The following DMD variants were observed in gnomAD, a reference collection of about 807,000 sequenced individuals.
The protein encoded by DMD is dystrophin.
In DMD, 63 loss-of-function variants were observed where a neutral mutation model predicts 330.1. The ratio of observed to expected loss-of-function variants is 0.19; its 90% confidence interval spans 0.16 to 0.24. The LOEUF (loss-of-function observed/expected upper bound fraction) is 0.24, where lower values mean the gene tolerates loss of function less well. DMD is among the 10% of genes least tolerant of loss of function. The pLI is 1.00. For synonymous variants in DMD, 1,223 were observed against 959.8 expected, an observed-to-expected ratio of 1.27 and a Z score of -5.07; for missense variants, 3,344 against 2,684.1, an observed-to-expected ratio of 1.25 and a Z score of -5.43.
At chrX:32,211,458 A>G (rs754212918) in intron 44 of DMD, among the ~76,000 whole-genome samples, 5 of 112,160 alleles carry the variant, frequency 4.5e-5, no homozygotes, top group African/African-American at 1.3e-4. Context: ...AATATATTGC[A>G]CATTTACCAT....
At chrX:33,336,064 G>A (rs2054249299) in intron 1 of DMD, among the ~76,000 whole-genome samples, 1 of 110,735 alleles carries the variant, frequency 9.0e-6, no homozygotes, top group African/African-American at 3.3e-5. Flanking sequence ...GTTACTCCCA[G>A]TGAAGAAAAA....
chrX:32,651,504 C>T (rs772468743), intron 9 of DMD, among the ~76,000 whole-genome samples: 1 of 111,781 alleles, frequency 8.9e-6, no homozygotes, highest in Non-Finnish European at 1.9e-5. Context: ...CAAATTCAAT[C>T]AATGGTTTGG....
chrX:32,274,032 A>G (rs2097375515), intron 43 of DMD, among the ~76,000 whole-genome samples: 1 of 111,893 alleles, frequency 8.9e-6, no homozygotes, highest in Non-Finnish European at 1.9e-5. Flanking sequence ...TAGAGAAAAA[A>G]TGCATATTTA....
chrX:32,551,754 T>C (rs758250610), intron 16 of DMD, among the ~76,000 whole-genome samples: 124 of 111,770 alleles, frequency 1.1e-3, no homozygotes, highest in African/African-American at 3.9e-3. Flanking sequence ...CAAAAGCTCA[T>C]TGATCTGATA....
chrX:31,594,669 G>A (rs2077031680), intron 55 of DMD, among the ~76,000 whole-genome samples: 1 of 110,890 alleles, frequency 9.0e-6, no homozygotes, highest in African/African-American at 3.3e-5. Flanking sequence ...TTAATCTTTG[G>A]TGGGATTTAC....
chrX:32,175,410 TA>T (rs751289664), intron 44 of DMD, among the ~76,000 whole-genome samples: 1 of 110,269 alleles, frequency 9.1e-6, no homozygotes, highest in Non-Finnish European at 1.9e-5. Flanking sequence ...GAGGGGACAG[TA>T]AGGGAATAAA....
intron 50 of DMD, among the ~76,000 whole-genome samples, chrX:31,787,512 C>T (rs2091363245): frequency 8.9e-6 from 1 of 112,055 alleles, no homozygotes; most frequent in South Asian, 3.7e-4. Flanking sequence ...GTTTTACACT[C>T]CTTGGGTATA....
intron 1 of DMD, among the ~76,000 whole-genome samples, chrX:33,036,716 G>A (rs2094209383): frequency 9.0e-6 from 1 of 110,622 alleles, no homozygotes; most frequent in Non-Finnish European, 1.9e-5. Flanking sequence ...AACCTACATT[G>A]AATACATTAA....
chrX:31,576,974 C>A (rs1399771801), intron 55 of DMD, among the ~76,000 whole-genome samples: 1 of 111,353 alleles, frequency 9.0e-6, no homozygotes, highest in Non-Finnish European at 1.9e-5. Flanking sequence ...CTCGGCCTCC[C>A]AAAGTGCTGG....
At chrX:33,108,868 G>GAAAAAAAAAAAGAAAAAA (rs756208449) in intron 1 of DMD, among the ~76,000 whole-genome samples, 1 of 24,226 alleles carries the variant, frequency 4.1e-5, no homozygotes, top group Non-Finnish European at 9.3e-5. Flanking sequence ...CTCCGTTTCG[G>GAAAAAAAAAAAGAAAAAA]AAAAAAAAAA....
intron 1 of DMD, among the ~76,000 whole-genome samples, chrX:33,048,788 C>T (rs1208170953): frequency 9.4e-6 from 1 of 106,121 alleles, no homozygotes; most frequent in East Asian, 3.0e-4. Context: ...AAAGTAATTA[C>T]CACACTCTTC....
chrX:31,756,492 G>A (rs776169570), intron 51 of DMD, among the ~76,000 whole-genome samples: 7 of 110,983 alleles, frequency 6.3e-5, no homozygotes, highest in African/African-American at 3.3e-5. Flanking sequence ...ACACACACGC[G>A]CATGCACGCG....
At chrX:33,129,788 T>A (rs891061048) in intron 1 of DMD, among the ~76,000 whole-genome samples, 1 of 111,623 alleles carries the variant, frequency 9.0e-6, no homozygotes, top group African/African-American at 3.3e-5. Flanking sequence ...AGCATGAGTA[T>A]AATTAGCAGT....
chrX:32,174,098 C>G lies in DMD; in HGVS notation c.6438+42818G>C, dbSNP rs572934821. Among the ~76,000 whole-genome samples the G allele has an allele frequency of 3.3e-4, 37 of 111,911 alleles. No individual in the cohort carries two copies. The South Asian group carries it at 0.013, about 40-fold the overall frequency. ...GGTGAGTAAGTCAATGAAGCATTGT[C>G]AAAGTCACAAACAAAAGGTGACTCC... On this transcript the variant is annotated intron_variant, in intron 44 of 78. Transcript: ENST00000357033.
intron 60 of DMD, among the ~76,000 whole-genome samples, chrX:31,395,039 TTC>T (rs2060860467): frequency 9.2e-6 from 1 of 109,277 alleles, no homozygotes; most frequent in South Asian, 4.1e-4. Flanking sequence ...TGGTTGTTGT[TTC>T]TGTTTTTGTT....
chrX:32,252,891 T>C (rs1248191931), intron 43 of DMD, among the ~76,000 whole-genome samples: 1 of 76,720 alleles, frequency 1.3e-5, no homozygotes, highest in South Asian at 5.4e-4. Context: ...TATATATAAA[T>C]ATATATAAAT....
At chrX:31,501,225 C>T in intron 56 of DMD, among the ~76,000 whole-genome samples, 1 of 112,299 alleles carries the variant, frequency 8.9e-6, no homozygotes, top group South Asian at 3.7e-4. Context: ...ATAAATACTG[C>T]CTGCCCACCT....
At chrX:31,647,247 C>T (rs2080158227) in intron 54 of DMD, among the ~76,000 whole-genome samples, 1 of 111,673 alleles carries the variant, frequency 9.0e-6, no homozygotes, top group Non-Finnish European at 1.9e-5. Flanking sequence ...CCTGAAACCT[C>T]CTTCCAAATT....
At chrX:32,500,650 G>A (rs1367181389) in intron 19 of DMD, among the ~76,000 whole-genome samples, 1 of 111,708 alleles carries the variant, frequency 9.0e-6, no homozygotes, top group Non-Finnish European at 1.9e-5. Flanking sequence ...AAGTTGATCA[G>A]TTAAAATTAC....
Sources: allele counts gnomAD v4.1 joint callset (sites outside exome capture counted in the v4.1 genomes callset), GRCh38; gene constraint gnomAD v4.1.1; transcripts MANE v1.5; gene names NCBI Gene and HGNC (gene_info 2026-07-23, HGNC 2026-07-21).